OCRL: variants seen among roughly 807,000 people sequenced by gnomAD.
OCRL encodes the protein inositol polyphosphate 5-phosphatase OCRL.
OCRL carries 8 observed loss-of-function variants against 78.9 expected under a neutral mutation model. The observed-to-expected ratio is 0.10, with a 90% CI of 0.06 to 0.18. The LOEUF is 0.18. Among genes scored for constraint, OCRL ranks in the 10% least tolerant of loss-of-function variants. The pLI is 1.00. For missense variants in OCRL, 454 were observed against 696.7 expected, an observed-to-expected ratio of 0.65 and a Z score of 3.92; for synonymous variants, 240 against 235.4, an observed-to-expected ratio of 1.02 and a Z score of -0.18.
At chrX:129,552,078 G>C (rs745433327) in intron 4 of OCRL, among the ~76,000 whole-genome samples, 67 of 111,926 alleles carry the variant, frequency 6.0e-4, no homozygotes, top group Non-Finnish European at 1.2e-3. Context: ...TGAATTTTGA[G>C]ATTTCAAAAA....
In OCRL at chrX:129,584,294, C is replaced by G. The variant is rs371484052; in HGVS notation, c.2116-50C>G. On this transcript the variant is annotated intron_variant, in intron 18 of 23. Coordinates refer to ENST00000371113, the MANE Select transcript of OCRL (RefSeq NM_000276.4). Reference sequence around the variant, plus strand: ...CTGTTTCTAATTCTGTAAATTAATTCTAATCATATTCTGTCTGTCAATGAC... The same window carrying G: ...CTGTTTCTAATTCTGTAAATTAATTGTAATCATATTCTGTCTGTCAATGAC... The G allele has an allele frequency of 4.4e-6, 5 of 1,128,361 alleles. No individual in the cohort carries two copies. In the African/African-American group the frequency reaches 9.0e-5, roughly 20 times the overall value. 93.0% of individuals were successfully genotyped at this position (1,128,361 alleles called of 1,213,427 possible). A position where few individuals can be genotyped will look rare whatever the true frequency, so the allele number is the denominator to read the frequency against.
intron 12 of OCRL, among the ~76,000 whole-genome samples, chrX:129,565,357 G>A (rs923419860): frequency 8.9e-6 from 1 of 111,902 alleles, no homozygotes; most frequent in African/African-American, 3.3e-5. Flanking sequence ...CTCAGACCAT[G>A]CAGACTTCAG....
chrX:129,562,292 A>G, intron 10 of OCRL, 92 bp from the exon 11 acceptor site: 1 of 698,506 alleles, frequency 1.4e-6, no homozygotes, highest in Non-Finnish European at 2.3e-6. Context: ...GCACTAGTAT[A>G]TCATCTTGAT....
At chrX:129,557,568 C>T (rs1166923977) in intron 5 of OCRL, 133 bp downstream of exon 5, 2 of 599,638 alleles carry the variant, frequency 3.3e-6, no homozygotes, top group Non-Finnish European at 5.4e-6. Flanking sequence ...TTTTTTTCTT[C>T]AGGAGTGAAC....
intron 23 of OCRL, 76 bp from the exon 24 acceptor site, chrX:129,590,070 C>T: frequency 1.7e-6 from 2 of 1,197,819 alleles, no homozygotes; most frequent in South Asian, 3.5e-5. Flanking sequence ...TCCTTGTCCC[C>T]AGGCCCTCCA....
Position 129,540,809 on chromosome X carries a change from G to A in OCRL, c.105G>A (p.Arg35=), listed in dbSNP as rs142321728. ...CCTGCGCCCTGACCCTAGCCCAGAG[G>A]AACGGGCAATATGAGTAAGTAACCA... ...REPCALTLAQ[R]NGQYELIIQL... The change falls in exon 2 of 24, where the codon AGG becomes AGA. Residue 35 remains arginine, a synonymous_variant. Transcript: ENST00000371113. The A allele has an allele frequency of 2.1e-4, 254 of 1,204,759 alleles. No homozygotes were observed. Among genetic ancestry groups the A allele is most frequent in the Non-Finnish European group, 2.7e-4 (242 of 890,296 alleles).
chrX:129,572,416 C>T (rs1336928012), intron 15 of OCRL, among the ~76,000 whole-genome samples: 1 of 112,916 alleles, frequency 8.9e-6, no homozygotes, highest in Admixed American at 9.3e-5. Flanking sequence ...TTCCCCCCCT[C>T]CTCATTATCT....
intron 12 of OCRL, among the ~76,000 whole-genome samples, chrX:129,564,107 A>G (rs1936181083): frequency 9.0e-6 from 1 of 110,807 alleles, no homozygotes; most frequent in South Asian, 3.8e-4. Context: ...GCAGCCAAAA[A>G]ACACATGAAA....
chrX:129,581,480 T>C (rs781137577), intron 18 of OCRL, among the ~76,000 whole-genome samples: 30 of 110,919 alleles, frequency 2.7e-4, no homozygotes, highest in Middle Eastern at 4.6e-3. Context: ...TAAGTGATGC[T>C]TCTGTTTTCA....
In OCRL at chrX:129,589,046, G is replaced by T. The variant is rs747857082; in HGVS notation, c.2469+33G>T. The T allele has an allele frequency of 5.8e-6, 7 of 1,206,541 alleles. No individual in the cohort carries two copies. In the African/African-American group the frequency reaches 1.2e-4, roughly 21 times the overall value. Reference sequence around the variant, plus strand: ...CTACTGACCTGGGGATGTGTTTGACGCAGATTGCCCCATAGAGAAGTCGTC... The same window carrying T: ...CTACTGACCTGGGGATGTGTTTGACTCAGATTGCCCCATAGAGAAGTCGTC... On this transcript the variant is annotated intron_variant, in intron 22 of 23. Coordinates refer to ENST00000371113, the MANE Select transcript of OCRL (RefSeq NM_000276.4).
intron 3 of OCRL, among the ~76,000 whole-genome samples, chrX:129,547,539 A>G (rs966783795): frequency 1.8e-5 from 2 of 109,081 alleles, no homozygotes; most frequent in South Asian, 3.9e-4. Flanking sequence ...AAAAAAAAAA[A>G]AAAAGAAAAA....
intron 18 of OCRL, among the ~76,000 whole-genome samples, chrX:129,576,804 C>T (rs1056803171): frequency 2.7e-5 from 3 of 111,562 alleles, no homozygotes; most frequent in Non-Finnish European, 5.7e-5. Context: ...TTAAAGACTC[C>T]CCTCTCAAAG....
In OCRL at chrX:129,575,761, TTC is replaced by T. The variant is rs1936360670; in HGVS notation, c.1714-135_1714-134del. The T allele has an allele frequency of 1.2e-5, 8 of 692,575 alleles. No individual in the cohort carries two copies. In the East Asian group the frequency reaches 2.3e-4, roughly 20 times the overall value. The allele number at this position is 692,575 out of a possible 1,213,427, so 57.1% of individuals were successfully genotyped here. A position where few individuals can be genotyped will look rare whatever the true frequency, so the allele number is the denominator to read the frequency against. ...ATGCAAGTGGATGTTGTGAAGTTGGTTCAGTTGGTGAATGTCTATGGCATTTG... is the reference window on the plus strand; with the variant it reads ...ATGCAAGTGGATGTTGTGAAGTTGGTAGTTGGTGAATGTCTATGGCATTTG... On this transcript the variant is annotated intron_variant, in intron 16 of 23. Coordinates refer to ENST00000371113, the MANE Select transcript of OCRL (RefSeq NM_000276.4).
intron 10 of OCRL, among the ~76,000 whole-genome samples, chrX:129,561,565 A>G (rs750060971): frequency 8.9e-6 from 1 of 112,480 alleles, no homozygotes; most frequent in South Asian, 3.7e-4. Flanking sequence ...AAATAATTAC[A>G]TATAAGATTT....
intron 18 of OCRL, among the ~76,000 whole-genome samples, chrX:129,578,224 T>C (rs1334964192): frequency 9.0e-6 from 1 of 111,637 alleles, no homozygotes; most frequent in African/African-American, 3.2e-5. Context: ...TAACATTCGG[T>C]CCATATTCAG....
In OCRL at chrX:129,545,068, T is replaced by C. The variant is rs1440830759; in HGVS notation, c.199+31T>C. 3 of 800,562 alleles carry C rather than the reference T, an allele frequency of 3.7e-6. No homozygotes were observed. The Admixed American group carries it at 6.6e-5, about 18-fold the overall frequency. The allele number at this position is 800,562 out of a possible 1,213,427, so 66.0% of individuals were successfully genotyped here. ...AGCTTTAATTCCTTAGCTAGTTTTA[T>C]AATGTTTTTTCTCGGTCATTACTGC... On this transcript the variant is annotated intron_variant, in intron 3 of 23. Coordinates refer to ENST00000371113, the MANE Select transcript of OCRL (RefSeq NM_000276.4).
At chrX:129,576,151 C>T (rs1936365343) in intron 17 of OCRL, 89 bp downstream of exon 17, 4 of 990,039 alleles carry the variant, frequency 4.0e-6, no homozygotes, top group Non-Finnish European at 5.7e-6. Flanking sequence ...CCACATGTCT[C>T]TTACCTTTAC....
At chrX:129,550,352 C>G (rs755471293) in intron 4 of OCRL, among the ~76,000 whole-genome samples, 2 of 111,404 alleles carry the variant, frequency 1.8e-5, no homozygotes, top group South Asian at 7.5e-4. Flanking sequence ...TTATATTGTC[C>G]CATTTTCTTA....
chrX:129,582,658 G>A (rs910485911), intron 18 of OCRL, among the ~76,000 whole-genome samples: 5 of 111,894 alleles, frequency 4.5e-5, no homozygotes, highest in African/African-American at 9.7e-5. Context: ...AAAAGGTATC[G>A]TAATTATAGT....
Sources: gnomAD v4.1 joint callset for allele counts (sites outside exome capture counted in the v4.1 genomes callset) on GRCh38, gnomAD v4.1.1 for gene constraint, MANE v1.5 for transcripts, NCBI Gene and HGNC (gene_info 2026-07-23, HGNC 2026-07-21) for gene names.